DGKH: variants seen among roughly 807,000 people sequenced by gnomAD.
The protein encoded by DGKH is DAG kinase eta.
In DGKH, 90 loss-of-function variants were observed where a neutral mutation model predicts 159.3. That is an observed-to-expected ratio of 0.57 (90% CI 0.48 to 0.67). The LOEUF is 0.67. Ranked by LOEUF, DGKH falls within the 30% of genes least tolerant of loss-of-function variation. DGKH has a pLI of 0.00. For synonymous variants in DGKH, 536 were observed against 553.8 expected, an observed-to-expected ratio of 0.97 and a Z score of 0.45; for missense variants, 1,181 against 1,506.1, an observed-to-expected ratio of 0.78 and a Z score of 3.57.
At chr13:42,171,979 G>A (rs1441350436) in intron 11 of DGKH, among the ~76,000 whole-genome samples, 7 of 151,710 alleles carry the variant, frequency 4.6e-5, no homozygotes, top group Non-Finnish European at 7.4e-5. Context: ...ATAGGTGCCC[G>A]CCACCACGCC....
chr13:42,190,138 T>C (rs1012653929), intron 15 of DGKH, among the ~76,000 whole-genome samples: 5 of 152,226 alleles, frequency 3.3e-5, no homozygotes, highest in African/African-American at 1.2e-4. Flanking sequence ...AACCCCTTTA[T>C]AGATTGTAAC....
In DGKH at chr13:42,206,012, CTTTTTTT is replaced by C. The variant is rs34351817; in HGVS notation, c.2494-16_2494-10del. On this transcript the variant is annotated intron_variant, in intron 20 of 29. Coordinates refer to ENST00000337343, the MANE Select transcript of DGKH (RefSeq NM_178009.5). Reference sequence around the variant, plus strand: ...TTCTGCTCTTTTTATCTAATCTCTACTTTTTTTTTTTTTTTTTACCTTACAGTGTGAT... The same window carrying C: ...TTCTGCTCTTTTTATCTAATCTCTACTTTTTTTTTTACCTTACAGTGTGAT... 4.0e-5 allele frequency: 45 copies of C among 1,131,442 alleles called. No homozygotes were observed. In the East Asian group the frequency reaches 1.2e-3, roughly 30 times the overall value. The allele number at this position is 1,131,442 out of a possible 1,614,324, so 70.1% of individuals were successfully genotyped here.
intron 3 of DGKH, among the ~76,000 whole-genome samples, chr13:42,132,927 G>C (rs9594681): frequency 0.24 from 35,715 of 151,912 alleles, 4,447 homozygotes; most frequent in Middle Eastern, 0.31. Flanking sequence ...CCAGCACTTT[G>C]GGAGGCTGAG....
intron 1 of DGKH, among the ~76,000 whole-genome samples, chr13:42,073,603 A>G (rs1195223910): frequency 1.3e-5 from 2 of 152,238 alleles, no homozygotes; most frequent in Non-Finnish European, 2.9e-5. Context: ...GAGCACATGT[A>G]AAGTAGGCAA....
At chr13:42,206,713 GT>G (rs1421203961) in intron 21 of DGKH, among the ~76,000 whole-genome samples, 1 of 152,086 alleles carries the variant, frequency 6.6e-6, no homozygotes, top group Non-Finnish European at 1.5e-5. Flanking sequence ...GCAAAGGCAG[GT>G]TGAATCCTTC....
chr13:42,221,419 C>G (rs369049446), intron 29 of DGKH, 25 bp downstream of exon 29: 62 of 1,608,412 alleles, frequency 3.9e-5, no homozygotes, highest in Non-Finnish European at 4.8e-5. Context: ...CTCTTCTGTT[C>G]TTGAAAATTT....
At chr13:42,170,765 A>G (rs1402687527) in intron 11 of DGKH, among the ~76,000 whole-genome samples, 1 of 152,206 alleles carries the variant, frequency 6.6e-6, no homozygotes. Flanking sequence ...CAACACGGTG[A>G]AACCCCGTCT....
chr13:42,052,589 A>G (rs1881406248), intron 1 of DGKH, among the ~76,000 whole-genome samples: 3 of 152,238 alleles, frequency 2.0e-5, no homozygotes, highest in African/African-American at 7.2e-5. Flanking sequence ...ATTCAGACAT[A>G]CTGTTGTAGA....
intron 1 of DGKH, among the ~76,000 whole-genome samples, chr13:42,102,850 C>CTT (rs1954677116): frequency 1.3e-5 from 2 of 152,182 alleles, no homozygotes; most frequent in Non-Finnish European, 2.9e-5. Flanking sequence ...TTCTGAATGA[C>CTT]TTTAGATGCC....
At chr13:42,210,568 A>G (rs1183930332) in intron 23 of DGKH, 34 bp from the exon 24 acceptor site, 1 of 1,597,458 alleles carries the variant, frequency 6.3e-7, no homozygotes, top group Admixed American at 1.7e-5. Flanking sequence ...TGAGTTCTAA[A>G]CTAACAATTC....
At chr13:42,218,675 A>G (rs1240944826) in intron 26 of DGKH, among the ~76,000 whole-genome samples, 1 of 151,768 alleles carries the variant, frequency 6.6e-6, no homozygotes, top group Non-Finnish European at 1.5e-5. Context: ...TGCCTAACTA[A>G]TTTTTGTATT....
At chr13:42,183,299 A>C (rs1956824649) in intron 13 of DGKH, among the ~76,000 whole-genome samples, 1 of 151,944 alleles carries the variant, frequency 6.6e-6, no homozygotes. Flanking sequence ...AAAAAAAAAA[A>C]ACACTTAAAA....
At chr13:42,041,216 G>T (rs1012812032) in intron 1 of DGKH, among the ~76,000 whole-genome samples, 1 of 152,192 alleles carries the variant, frequency 6.6e-6, no homozygotes, top group Non-Finnish European at 1.5e-5. Flanking sequence ...CTTTTCACTT[G>T]CTTTGAGACC....
At chr13:42,049,006 G>T (rs1167795529) in intron 1 of DGKH, 41 bp downstream of exon 1, 1 of 1,256,404 alleles carries the variant, frequency 8.0e-7, no homozygotes, top group East Asian at 3.1e-5. Context: ...CGTGGAAAGC[G>T]GGAGGTGGAG....
chr13:42,222,936 T>C (rs1453200309), intron 29 of DGKH, among the ~76,000 whole-genome samples: 10 of 152,222 alleles, frequency 6.6e-5, no homozygotes, highest in African/African-American at 2.4e-4. Flanking sequence ...TAGAAAAGAA[T>C]AGAAAGAAGA....
chr13:42,155,795 C>T lies in DGKH; in HGVS notation c.618C>T (p.Cys206=), dbSNP rs533713720. ...LSGVTSHGLS[C]EVCKFKAHKR... ...GAGTCACCTCCCATGGCCTGTCCTG[C>T]GAAGGTACTGTAGCACCTAGCATGT... is the stretch of plus-strand genomic sequence containing the variant. The change falls in exon 5 of 30, where the codon TGC becomes TGT. Residue 206 remains cysteine (C), a synonymous_variant. Coordinates refer to ENST00000337343, the MANE Select transcript of DGKH (RefSeq NM_178009.5). The T allele has an allele frequency of 8.8e-5, 142 of 1,614,054 alleles. 2 individuals are homozygous for T. The South Asian group carries it at 1.3e-3, about 15-fold the overall frequency.
At chr13:42,048,222 G>T (rs1462710096), upstream of DGKH, among the ~76,000 whole-genome samples, 1 of 152,184 alleles carries the variant, frequency 6.6e-6, no homozygotes, top group Non-Finnish European at 1.5e-5. This position sits in a 1 kb window ranked among gnomAD's most constrained non-coding sequence, Gnocchi z 6.7. Flanking sequence ...AAGTGTCTCT[G>T]GAGAGATTCG....
chr13:42,069,982 T>C, intron 1 of DGKH: 1 of 766,014 alleles, frequency 1.3e-6, no homozygotes, highest in Non-Finnish European at 2.3e-6. Context: ...AAAGTTGTTA[T>C]GTATAGGCCA....
intron 1 of DGKH, among the ~76,000 whole-genome samples, chr13:42,067,683 A>G (rs1228266983): frequency 6.6e-6 from 1 of 152,000 alleles, no homozygotes; most frequent in Admixed American, 6.6e-5. Context: ...TTGCTTTTAT[A>G]GTTGATTTAA....
Sources: allele counts gnomAD v4.1 joint callset (sites outside exome capture counted in the v4.1 genomes callset), GRCh38; gene constraint gnomAD v4.1.1; non-coding constraint Gnocchi (gnomAD v3.1); transcripts MANE v1.5; gene names NCBI Gene and HGNC (gene_info 2026-07-23, HGNC 2026-07-21).